The following DNER variants were observed in gnomAD, a reference collection of about 807,000 sequenced individuals.
DNER encodes delta/notch like EGF repeat containing.
DNER carries 33 observed loss-of-function variants against 78.2 expected under a neutral mutation model. The observed-to-expected ratio is 0.42, with a 90% CI of 0.32 to 0.56. DNER has a LOEUF of 0.56. Ranked by LOEUF, DNER falls within the 20% of genes least tolerant of loss-of-function variation. The pLI is 0.11. For missense variants in DNER, 918 were observed against 975.3 expected (o/e 0.94, Z 0.78); for synonymous variants, 417 against 384.8 (o/e 1.08, Z -0.98).
chr2:229,369,189 T>C (rs967021848), intron 11 of DNER, among the ~76,000 whole-genome samples: 2 of 151,724 alleles, frequency 1.3e-5, no homozygotes, highest in Non-Finnish European at 2.9e-5. Context: ...CTTTTTAACT[T>C]TCTAAAAAGT....
intron 8 of DNER, among the ~76,000 whole-genome samples, chr2:229,421,375 A>G (rs984650574): frequency 1.3e-5 from 2 of 151,954 alleles, no homozygotes; most frequent in African/African-American, 4.8e-5. Flanking sequence ...GGTAAATAAT[A>G]CTGTAATGTA....
chr2:229,472,632 A>C (rs1379941498), intron 7 of DNER, among the ~76,000 whole-genome samples: 1 of 152,202 alleles, frequency 6.6e-6, no homozygotes, highest in African/African-American at 2.4e-5. Context: ...TTAGTTTAAA[A>C]CTTAAGGATT....
chr2:229,468,182 C>T (rs1694844564), intron 7 of DNER, among the ~76,000 whole-genome samples: 1 of 152,228 alleles, frequency 6.6e-6, no homozygotes, highest in Admixed American at 6.5e-5. Flanking sequence ...ATGGGCCAAG[C>T]TATAGGAAGG....
chr2:229,630,010 G>C (rs1331558446), intron 1 of DNER, among the ~76,000 whole-genome samples: 1 of 152,154 alleles, frequency 6.6e-6, no homozygotes, highest in Non-Finnish European at 1.5e-5. Context: ...CTCATCTATA[G>C]GCACAATCTA....
chr2:229,664,158 G>A (rs1699052825), intron 1 of DNER, among the ~76,000 whole-genome samples: 1 of 152,056 alleles, frequency 6.6e-6, no homozygotes, highest in Admixed American at 6.6e-5. Context: ...CCTTTTTTCA[G>A]TTACAAAGAT....
Position 229,591,579 on chromosome 2 carries a change from C to T in DNER, c.585+1G>A, listed in dbSNP as rs1188769439. On this transcript the variant is annotated splice_donor_variant, in intron 2 of 12. Coordinates refer to ENST00000341772, the MANE Select transcript of DNER (RefSeq NM_139072.4). LOFTEE classifies it high-confidence loss of function. This position sits in a 1 kb window ranked among gnomAD's most constrained non-coding sequence, Gnocchi z 4.6. ...AAATGCACATGATATAACGTTCTCA[C>T]CTCCACTTGATCCCATTTCATTTCT... 1 of 1,613,120 alleles carries T rather than the reference C, an allele frequency of 6.2e-7. No homozygotes were observed. Among genetic ancestry groups the T allele is most frequent in the Non-Finnish European group, 8.5e-7 (1 of 1,179,398 alleles).
intron 6 of DNER, among the ~76,000 whole-genome samples, chr2:229,500,242 C>T (rs1695589680): frequency 6.6e-6 from 1 of 152,068 alleles, no homozygotes; most frequent in Non-Finnish European, 1.5e-5. Flanking sequence ...CCTGAATAAG[C>T]TTTCTAAAGA....
chr2:229,430,965 G>C (rs1045090184), intron 8 of DNER, among the ~76,000 whole-genome samples: 8 of 151,996 alleles, frequency 5.3e-5, no homozygotes, highest in African/African-American at 1.9e-4. Context: ...TATTAGAGGA[G>C]ATTTTCTGAG....
At chr2:229,451,178 G>A (rs1694448795) in intron 7 of DNER, among the ~76,000 whole-genome samples, 1 of 152,212 alleles carries the variant, frequency 6.6e-6, no homozygotes, top group East Asian at 1.9e-4. Flanking sequence ...ACAGCAACAG[G>A]CCAGGCGTGA....
intron 6 of DNER, among the ~76,000 whole-genome samples, chr2:229,497,446 T>C (rs537202767): frequency 3.1e-4 from 47 of 149,834 alleles, no homozygotes; most frequent in African/African-American, 1.2e-3. Flanking sequence ...GAAGATCAGA[T>C]CAAAAATAAA....
At chr2:229,420,149 C>T (rs1229409618) in intron 8 of DNER, among the ~76,000 whole-genome samples, 1 of 151,960 alleles carries the variant, frequency 6.6e-6, no homozygotes, top group African/African-American at 2.4e-5. Flanking sequence ...CATGCATTTA[C>T]ATATTGTCTA....
chr2:229,561,730 C>G (rs1559167276), intron 4 of DNER, among the ~76,000 whole-genome samples: 2 of 152,120 alleles, frequency 1.3e-5, no homozygotes, highest in Admixed American at 6.6e-5. Flanking sequence ...GTTATGTGTC[C>G]TAAGTCAAAT....
At chr2:229,633,514 T>C (rs921106810) in intron 1 of DNER, among the ~76,000 whole-genome samples, 2 of 152,236 alleles carry the variant, frequency 1.3e-5, no homozygotes, top group Non-Finnish European at 2.9e-5. Flanking sequence ...GATAGTAGAA[T>C]TTCTTTAGAA....
At chr2:229,541,899 A>G (rs1696521951) in intron 5 of DNER, among the ~76,000 whole-genome samples, 1 of 147,172 alleles carries the variant, frequency 6.8e-6, no homozygotes, top group Non-Finnish European at 1.5e-5. Context: ...GTATATATAA[A>G]TTATATTTAT....
At position 229,367,012 on chromosome 2, in the gene DNER, T is replaced by C. The variant is rs1336701487; in HGVS notation, c.1963A>G (p.Ile655Val). Residue 655 changes from isoleucine to valine, a missense_variant, in exon 12 of 13, where the codon ATC becomes GTC. Physicochemically the swap from Ile to Val is conservative, Grantham distance 29 (BLOSUM62 3). Transcript: ENST00000341772. ...ALCVAFILML[I>V]ILIVGICRIS... is the part of the protein sequence containing the mutation. ...CGGCAAATCCCCACGATCAGGATGA[T>C]CAGCATAAGGATGAAGGCCACGCAG... 4 of 1,614,064 alleles carry C rather than the reference T, an allele frequency of 2.5e-6. No individual in the cohort carries two copies. In the South Asian group the frequency reaches 4.4e-5, roughly 18 times the overall value.
At chr2:229,677,485 T>A (rs1219707817) in intron 1 of DNER, among the ~76,000 whole-genome samples, 1 of 152,160 alleles carries the variant, frequency 6.6e-6, no homozygotes, top group Non-Finnish European at 1.5e-5. Flanking sequence ...AACTCAGAAG[T>A]GAAAGAGGGA....
At chr2:229,681,753 T>A (rs1000253616) in intron 1 of DNER, among the ~76,000 whole-genome samples, 31 of 151,436 alleles carry the variant, frequency 2.0e-4, no homozygotes, top group Non-Finnish European at 4.6e-4. Context: ...AGTTTGTGAA[T>A]CCTCACCCCA....
At chr2:229,574,684 T>A (rs1245778645) in intron 4 of DNER, among the ~76,000 whole-genome samples, 1 of 152,068 alleles carries the variant, frequency 6.6e-6, no homozygotes, top group African/African-American at 2.4e-5. Flanking sequence ...GACAATAGAG[T>A]CTTTTTCATT....
chr2:229,687,505 C>A (rs760461005), intron 1 of DNER, among the ~76,000 whole-genome samples: 5 of 152,056 alleles, frequency 3.3e-5, no homozygotes, highest in African/African-American at 4.8e-5. Flanking sequence ...CTCAAATGAT[C>A]CACCTACCTC....
Sources: gnomAD v4.1 joint callset for allele counts (sites outside exome capture counted in the v4.1 genomes callset) on GRCh38, gnomAD v4.1.1 for gene constraint, Gnocchi (gnomAD v3.1) non-coding constraint, MANE v1.5 for transcripts, NCBI Gene and HGNC (gene_info 2026-07-23, HGNC 2026-07-21) for gene names.